Variants in BCAP29 observed in about 807,000 individuals in gnomAD.
BCAP29 encodes the protein B cell receptor associated protein 29.
In BCAP29, 34 loss-of-function variants were observed where a neutral mutation model predicts 31.8. The observed-to-expected ratio is 1.07, with a 90% CI of 0.81 to 1.42. The LOEUF (loss-of-function observed/expected upper bound fraction) is 1.42, where lower values mean the gene tolerates loss of function less well. Ranked by LOEUF, BCAP29 falls within the 40% of genes most tolerant of loss-of-function variation. The pLI, the probability that BCAP29 is intolerant of heterozygous loss-of-function variation, is 0.00. For missense variants in BCAP29, 314 were observed against 269.2 expected, an observed-to-expected ratio of 1.17 and a Z score of -1.16; for synonymous variants, 104 against 91.3, an observed-to-expected ratio of 1.14 and a Z score of -0.79.
Position 107,618,392 on chromosome 7 carries a change from G to C in BCAP29, c.*29G>C. 6.2e-7 allele frequency: 1 copy of C among 1,611,792 alleles called. No individual in the cohort carries two copies. Among genetic ancestry groups the C allele is most frequent in the South Asian group, 1.1e-5 (1 of 90,966 alleles). ...TTATAAAAGACACTTGCAATATACT[G>C]TGTCAAAATGATAATTTTGTTATGT... On this transcript the variant is annotated 3_prime_UTR_variant, in exon 8 of 8. Transcript: ENST00000005259.
At chr7:107,581,822 A>C (rs76922991) in intron 2 of BCAP29, among the ~76,000 whole-genome samples, 1,805 of 152,254 alleles carry the variant, frequency 0.012, 32 homozygotes, top group African/African-American at 0.041. Flanking sequence ...CAGCTAAGCT[A>C]AGCTCAGTAA....
chr7:107,594,077 A>G lies in BCAP29; in HGVS notation c.316A>G (p.Ile106Val), dbSNP rs1440257873. 1.9e-6 allele frequency: 3 copies of G among 1,611,252 alleles called. No individual in the cohort carries two copies. The highest frequency in any genetic ancestry group is 4.5e-5 in the East Asian group (2 of 44,872). The change falls in exon 4 of 8, where the codon ATT (isoleucine) becomes GTT (valine). Residue 106 changes from isoleucine to valine, a missense_variant. Transcript: ENST00000005259. ...KLFRSQRNLY[I>V]SGFSLFFWLV... ...TTTTAGGTCTCAAAGAAATCTTTAC[A>G]TTTCTGGATTTTCCCTATTTTTTTG... is the stretch of plus-strand genomic sequence containing the variant.
rs1810520283 is a variant in BCAP29, at chr7:107,599,213, A to ACATAATTATATATATT, written c.481-1184_481-1183insCATAATTATATATATT. ...TGTATATAAATACATATTTATAAAT[A>ACATAATTATATATATT]TATATATACATAATTATATATATTT... On this transcript the variant is annotated intron_variant, in intron 5 of 7. Transcript: ENST00000005259. Among the ~76,000 whole-genome samples the ACATAATTATATATATT allele has an allele frequency of 7.2e-4, 13 of 17,968 alleles. 1 individual carries two copies. The highest frequency in any genetic ancestry group is 3.7e-3 in the Admixed American group (7 of 1,910). The allele number at this position is 17,968 out of a possible 152,430, so 11.8% of individuals were successfully genotyped here.
intron 7 of BCAP29, among the ~76,000 whole-genome samples, chr7:107,614,077 T>TG (rs1813704070): frequency 6.6e-6 from 1 of 152,210 alleles, no homozygotes; most frequent in Non-Finnish European, 1.5e-5. Context: ...TCTGATCAAT[T>TG]GGGGAAGAGA....
At chr7:107,622,883 G>A (rs1366648531), downstream of BCAP29, 1 of 152,152 alleles carries the variant, frequency 6.6e-6, no homozygotes, top group African/African-American at 2.4e-5. Flanking sequence ...GAGGGTACTG[G>A]TTGTACCCCA....
At chr7:107,583,835 C>G in intron 2 of BCAP29, 47 bp from the exon 3 acceptor site, 1 of 970,420 alleles carries the variant, frequency 1.0e-6, no homozygotes, top group Non-Finnish European at 1.5e-6. Flanking sequence ...TATTTCAAAA[C>G]TTTATTTTAG....
intron 3 of BCAP29, chr7:107,587,938 C>T (rs1400972219): frequency 2.0e-5 from 3 of 151,846 alleles, no homozygotes; most frequent in Non-Finnish European, 2.9e-5. Flanking sequence ...TTGTACAGAG[C>T]TAGAAAAAAG....
intron 3 of BCAP29, among the ~76,000 whole-genome samples, chr7:107,584,730 A>G (rs1310858597): frequency 6.6e-6 from 1 of 152,156 alleles, no homozygotes; most frequent in Admixed American, 6.5e-5. Flanking sequence ...AAACTGCAAC[A>G]TAGATTTGGG....
intron 6 of BCAP29, among the ~76,000 whole-genome samples, chr7:107,601,412 A>G (rs2129259401): frequency 6.6e-6 from 1 of 152,354 alleles, no homozygotes; most frequent in Non-Finnish European, 1.5e-5. Flanking sequence ...ACAGAAATCC[A>G]CTGGAGAATA....
chr7:107,622,570 GCACTTACTAC>G (rs1307855458), downstream of BCAP29: 2 of 152,302 alleles, frequency 1.3e-5, no homozygotes, highest in African/African-American at 4.8e-5. Flanking sequence ...TTTCATCATA[GCACTTACTAC>G]CATCTGAAAT....
chr7:107,590,447 A>G (rs1242142184), intron 3 of BCAP29, among the ~76,000 whole-genome samples: 2 of 152,224 alleles, frequency 1.3e-5, no homozygotes, highest in African/African-American at 4.8e-5. Flanking sequence ...ATAATAAGTC[A>G]TGAAAGAAAT....
chr7:107,618,232 T>C, intron 7 of BCAP29, 96 bp from the exon 8 acceptor site: 2 of 814,172 alleles, frequency 2.5e-6, no homozygotes, highest in Non-Finnish European at 3.8e-6. Context: ...CTCATAAGTA[T>C]ACATAGAAGA....
chr7:107,581,324 C>G (rs1806621363), intron 2 of BCAP29, among the ~76,000 whole-genome samples: 1 of 152,298 alleles, frequency 6.6e-6, no homozygotes, highest in South Asian at 2.1e-4. Flanking sequence ...TAGTTTTCGC[C>G]TTTGTAACCG....
intron 6 of BCAP29, among the ~76,000 whole-genome samples, chr7:107,609,995 A>G (rs968445773): frequency 2.6e-5 from 4 of 152,196 alleles, no homozygotes; most frequent in African/African-American, 4.8e-5. Flanking sequence ...CAGTGTTTCT[A>G]TCTCTGGTCG....
chr7:107,586,728 C>CCT (rs1563126317), intron 3 of BCAP29, among the ~76,000 whole-genome samples: 2 of 131,584 alleles, frequency 1.5e-5, no homozygotes, highest in African/African-American at 5.6e-5. Flanking sequence ...TGTATTTATT[C>CCT]TTTTTTTTTT....
intron 5 of BCAP29, among the ~76,000 whole-genome samples, chr7:107,599,281 ATTT>A (rs372271857): frequency 1.0e-3 from 51 of 49,740 alleles, no homozygotes; most frequent in African/African-American, 3.2e-3. Context: ...TTTATATATA[ATTT>A]TTATATATAA....
Position 107,593,986 on chromosome 7 carries a change from A to T in BCAP29, c.225A>T (p.Ser75=). 1 of 1,612,562 alleles carries T rather than the reference A, an allele frequency of 6.2e-7. No homozygotes were observed. The highest frequency in any genetic ancestry group is 2.2e-5 in the East Asian group (1 of 44,868). Residue 75 remains serine (S), a synonymous_variant, in exon 4 of 8, where the codon TCA becomes TCT. Coordinates refer to ENST00000005259, the MANE Select transcript of BCAP29 (RefSeq NM_018844.4). ...TGAGAGAAGTAAGGAAATATTCCTC[A>T]GTTCATACCATTGAGAAGAGCTCCA... ...DAVREVRKYS[S]VHTIEKSSTS...
chr7:107,613,659 C>T, intron 7 of BCAP29: 1 of 1,604,240 alleles, frequency 6.2e-7, no homozygotes, highest in South Asian at 1.1e-5. Context: ...TACAGCATTC[C>T]AGTTTTGGTG....
chr7:107,588,067 G>A (rs923962583), intron 3 of BCAP29: 6 of 152,040 alleles, frequency 3.9e-5, no homozygotes. Flanking sequence ...TTTTTACCTC[G>A]CTGGTAGGGT....
Sources: gnomAD v4.1 joint callset for allele counts (sites outside exome capture counted in the v4.1 genomes callset) on GRCh38, gnomAD v4.1.1 for gene constraint, MANE v1.5 for transcripts, NCBI Gene and HGNC (gene_info 2026-07-23, HGNC 2026-07-21) for gene names.